The following UBE2D3 variants were observed in gnomAD, a reference collection of about 807,000 sequenced individuals.
The protein encoded by UBE2D3 is ubiquitin conjugating enzyme E2 D3, also known as ubiquitin-conjugating enzyme E2 D3.
Under a neutral mutation model 22.8 loss-of-function variants are expected in UBE2D3, and 2 were observed. The observed-to-expected ratio is 0.09, with a 90% CI of 0.04 to 0.28. UBE2D3 has a LOEUF of 0.28. Ranked by LOEUF, UBE2D3 falls within the 10% of genes least tolerant of loss-of-function variation. The pLI is 1.00. For synonymous variants in UBE2D3, 56 were observed against 60.4 expected, an observed-to-expected ratio of 0.93 and a Z score of 0.34; for missense variants, 27 against 182.5, an observed-to-expected ratio of 0.15 and a Z score of 4.91.
chr4:102,833,967 T>C (rs543417382), intron 1 of UBE2D3, among the ~76,000 whole-genome samples: 2 of 152,310 alleles, frequency 1.3e-5, no homozygotes, highest in East Asian at 3.9e-4. Context: ...ATAGGAAGAA[T>C]TGACTGAGGG....
At chr4:102,808,671 G>C (rs1727453075) in intron 4 of UBE2D3, among the ~76,000 whole-genome samples, 1 of 152,020 alleles carries the variant, frequency 6.6e-6, no homozygotes, top group African/African-American at 2.4e-5. Flanking sequence ...ACTTGTTTTA[G>C]GTATCTGTCT....
At chr4:102,846,308 T>C (rs547166375) in intron 1 of UBE2D3, among the ~76,000 whole-genome samples, 1 of 152,230 alleles carries the variant, frequency 6.6e-6, no homozygotes, top group Non-Finnish European at 1.5e-5. Flanking sequence ...AAGGAGCCTT[T>C]GTGTTTTCTC....
At chr4:102,826,275 G>GATAA in intron 2 of UBE2D3, among the ~76,000 whole-genome samples, 1 of 152,184 alleles carries the variant, frequency 6.6e-6, no homozygotes, top group South Asian at 2.1e-4. Context: ...AAGCACTCAG[G>GATAA]ATAACACCTC....
In UBE2D3 at chr4:102,825,313, A is replaced by G. The variant is rs946483782; in HGVS notation, c.24+1172T>C. 10 of 989,016 alleles carry G rather than the reference A, an allele frequency of 1.0e-5. No individual in the cohort carries two copies. In the African/African-American group the frequency reaches 1.0e-4, roughly 10 times the overall value. 61.3% of individuals were successfully genotyped at this position (989,016 alleles called of 1,614,324 possible). ...TTTTCAAGTTAGCTGTAAACACTCC[A>G]CCCTCTTCGATTGTGCAACAACCAA... On this transcript the variant is annotated intron_variant, in intron 2 of 7. Coordinates refer to ENST00000453744, the MANE Select transcript of UBE2D3 (RefSeq NM_181891.3).
At chr4:102,820,398 A>C (rs1729413568) in intron 2 of UBE2D3, among the ~76,000 whole-genome samples, 1 of 152,204 alleles carries the variant, frequency 6.6e-6, no homozygotes, top group African/African-American at 2.4e-5. Context: ...AACACATTTT[A>C]ATTTGAAATT....
exon 1 of UBE2D3, chr4:102,868,859 G>C (rs1331810479): frequency 4.6e-6 from 7 of 1,514,314 alleles, no homozygotes; most frequent in Non-Finnish European, 6.3e-6. Flanking sequence ...GGAGGGCCTC[G>C]CTACCCGCCA....
intron 1 of UBE2D3, among the ~76,000 whole-genome samples, chr4:102,847,085 T>C (rs1732074337): frequency 6.6e-6 from 1 of 152,160 alleles, no homozygotes; most frequent in Non-Finnish European, 1.5e-5. Context: ...AGTTTTCAGC[T>C]TCATTTTTCT....
intron 4 of UBE2D3, among the ~76,000 whole-genome samples, chr4:102,804,935 T>G (rs916150799): frequency 2.0e-5 from 3 of 152,202 alleles, no homozygotes; most frequent in African/African-American, 7.2e-5. Flanking sequence ...TCCACCCACC[T>G]TGGCCTCCCA....
intron 4 of UBE2D3, among the ~76,000 whole-genome samples, chr4:102,808,385 A>G (rs1027582653): frequency 7.9e-5 from 12 of 152,226 alleles, no homozygotes; most frequent in African/African-American, 2.7e-4. Flanking sequence ...AGTACTTTTA[A>G]TAACTACAAA....
At chr4:102,804,859 G>A (rs1488871993) in intron 4 of UBE2D3, among the ~76,000 whole-genome samples, 2 of 151,994 alleles carry the variant, frequency 1.3e-5, no homozygotes, top group African/African-American at 2.4e-5. Context: ...TGTCTTTTTA[G>A]TAGAGACGGA....
At chr4:102,839,542 T>G (rs1236432679) in intron 1 of UBE2D3, among the ~76,000 whole-genome samples, 1 of 152,192 alleles carries the variant, frequency 6.6e-6, no homozygotes, top group Admixed American at 6.5e-5. Context: ...CAAAGTGCCA[T>G]GATTACAGTG....
chr4:102,827,340 C>T, intron 1 of UBE2D3, 87 bp downstream of exon 1: 1 of 979,966 alleles, frequency 1.0e-6, no homozygotes, highest in African/African-American at 1.7e-5. Context: ...CCGCTCAAGC[C>T]GCCCAGGTCC....
At chr4:102,822,707 G>A (rs1282771815) in intron 2 of UBE2D3, among the ~76,000 whole-genome samples, 6 of 152,206 alleles carry the variant, frequency 3.9e-5, no homozygotes, top group Middle Eastern at 3.4e-3. Context: ...AGGCTGAGGC[G>A]GGTGGATCAC....
At chr4:102,807,186 C>G (rs1302832201) in intron 4 of UBE2D3, among the ~76,000 whole-genome samples, 2 of 152,158 alleles carry the variant, frequency 1.3e-5, no homozygotes, top group Non-Finnish European at 2.9e-5. Context: ...CCCACTAAAT[C>G]TGTAATTTAT....
At chr4:102,822,664 G>A (rs914773630) in intron 2 of UBE2D3, among the ~76,000 whole-genome samples, 1 of 148,536 alleles carries the variant, frequency 6.7e-6, no homozygotes, top group African/African-American at 2.5e-5. Context: ...CAGGCCACGT[G>A]GTGGCTCACG....
chr4:102,828,820 C>T (rs1481291801), upstream of UBE2D3, among the ~76,000 whole-genome samples: 1 of 152,150 alleles, frequency 6.6e-6, no homozygotes, highest in Non-Finnish European at 1.5e-5. Flanking sequence ...GGCAGTTATG[C>T]TCTCTAGTGT....
chr4:102,844,323 C>T (rs764313404), intron 1 of UBE2D3, among the ~76,000 whole-genome samples: 1 of 152,192 alleles, frequency 6.6e-6, no homozygotes, highest in Non-Finnish European at 1.5e-5. Context: ...AGCAATCCTC[C>T]TGCCTTGGTC....
chr4:102,827,930 C>A, upstream of UBE2D3: 1 of 985,576 alleles, frequency 1.0e-6, no homozygotes, highest in Non-Finnish European at 1.2e-6. Context: ...CACAGCGTCC[C>A]CCAGTTTCCT....
At chr4:102,826,956 A>T in intron 1 of UBE2D3, 1 of 1,002,432 alleles carries the variant, frequency 1.0e-6, no homozygotes, top group Non-Finnish European at 1.2e-6. Context: ...TCGGCGCTAT[A>T]CCGGCGTCAC....
Sources: gnomAD v4.1 joint callset for allele counts (sites outside exome capture counted in the v4.1 genomes callset) on GRCh38, gnomAD v4.1.1 for gene constraint, MANE v1.5 for transcripts, NCBI Gene and HGNC (gene_info 2026-07-23, HGNC 2026-07-21) for gene names.